The following CPLANE1 variants were observed in gnomAD, a reference collection of about 807,000 sequenced individuals.
CPLANE1 encodes the protein ciliogenesis and planar polarity effector complex subunit 1.
In CPLANE1, 263 loss-of-function variants were observed where a neutral mutation model predicts 362.5. The ratio of observed to expected loss-of-function variants is 0.73; its 90% confidence interval spans 0.66 to 0.80. The LOEUF is 0.80. CPLANE1 is among the 30% of genes least tolerant of loss of function. The pLI is 0.00. For missense variants in CPLANE1, 3,461 were observed against 3,793.4 expected (o/e 0.91, Z 2.30); for synonymous variants, 1,212 against 1,302.6 (o/e 0.93, Z 1.50).
Position 37,198,885 on chromosome 5 carries a change from T to C in CPLANE1, c.3508-19A>G, listed in dbSNP as rs754906346. 30 of 1,609,488 alleles carry C rather than the reference T, an allele frequency of 1.9e-5. No individual in the cohort carries two copies. The highest frequency in any genetic ancestry group is 3.3e-4 in the Middle Eastern group (2 of 6,060). On this transcript the variant is annotated intron_variant, in intron 19 of 52. Transcript: ENST00000651892. ...CATCTTCCTGAGGAAAATAAAACAA[T>C]CCATTTTAGTGGCTAGTAATGAGAA...
At chr5:37,246,026 T>A in intron 2 of CPLANE1, 181 bp from the exon 3 acceptor site, 1 of 436,258 alleles carries the variant, frequency 2.3e-6, no homozygotes, top group Non-Finnish European at 3.7e-6. Flanking sequence ...TGAATTGTTT[T>A]AAAATACCTC....
chr5:37,212,919 G>A (rs1229340882), intron 16 of CPLANE1, among the ~76,000 whole-genome samples: 1 of 152,194 alleles, frequency 6.6e-6, no homozygotes, highest in African/African-American at 2.4e-5. Flanking sequence ...GGCTGAGGTG[G>A]TTAAGATCAT....
chr5:37,131,477 T>C (rs1765768929), intron 46 of CPLANE1, among the ~76,000 whole-genome samples: 1 of 152,118 alleles, frequency 6.6e-6, no homozygotes, highest in Non-Finnish European at 1.5e-5. Context: ...TATAACTTGG[T>C]CTTAGAGCTC....
chr5:37,154,325 A>G lies in CPLANE1; in HGVS notation c.8120-332T>C, dbSNP rs2365910. On this transcript the variant is annotated intron_variant, in intron 41 of 52. Coordinates refer to ENST00000651892, the MANE Select transcript of CPLANE1 (RefSeq NM_001384732.1). ...CCAAAAACATCACACGTTAAAAGCT[A>G]TCCCCAATATTGGCTATTACTGACT... Among the ~76,000 whole-genome samples the G allele has an allele frequency of 0.17, 25,884 of 151,994 alleles. 2,817 individuals are homozygous for G. Among genetic ancestry groups the G allele is most frequent in the African/African-American group, 0.31 (12,834 of 41,366 alleles).
the CPLANE1 span, among the ~76,000 whole-genome samples, chr5:37,087,816 G>A: frequency 5.3e-5 from 8 of 152,300 alleles, no homozygotes; most frequent in Non-Finnish European, 8.8e-5. Context: ...AAATGGAGCC[G>A]CTAGCCCATT....
chr5:37,114,564 A>G (rs1208737804), intron 51 of CPLANE1, among the ~76,000 whole-genome samples: 1 of 152,180 alleles, frequency 6.6e-6, no homozygotes, highest in Non-Finnish European at 1.5e-5. Flanking sequence ...CTTCATTCTG[A>G]AGTCTATATT....
At chr5:37,180,332 T>A in intron 27 of CPLANE1, 149 bp from the exon 28 acceptor site, 1 of 391,768 alleles carries the variant, frequency 2.6e-6, no homozygotes, top group Non-Finnish European at 4.5e-6. Flanking sequence ...TTCAGTTTTT[T>A]AAAAGCAAAG....
chr5:37,177,794 A>T (rs1781592299), intron 29 of CPLANE1, 94 bp from the exon 30 acceptor site: 1 of 914,332 alleles, frequency 1.1e-6, no homozygotes, highest in Admixed American at 2.0e-5. Flanking sequence ...CCACTTAACC[A>T]GAGTAACAAC....
intron 31 of CPLANE1, among the ~76,000 whole-genome samples, 186 bp from the exon 32 acceptor site, chr5:37,174,133 G>A (rs758245985): frequency 3.0e-4 from 45 of 151,954 alleles, no homozygotes; most frequent in Non-Finnish European, 5.4e-4. Context: ...AGACACATTC[G>A]TCATCAGCTC....
rs1790391430 is a variant in CPLANE1, at chr5:37,205,279, A to G, written c.3289+36T>C. 6 of 1,487,616 alleles carry G rather than the reference A, an allele frequency of 4.0e-6. No individual in the cohort carries two copies. The South Asian group carries it at 8.2e-5, about 20-fold the overall frequency. The allele number at this position is 1,487,616 out of a possible 1,614,324, so 92.2% of individuals were successfully genotyped here. On this transcript the variant is annotated intron_variant, in intron 18 of 52. Coordinates refer to ENST00000651892, the MANE Select transcript of CPLANE1 (RefSeq NM_001384732.1). Reference sequence around the variant, plus strand: ...TTAAGGTATTATAAGGTTTATATTAATCTGACACGAATCAGACTATACATA... The same window carrying G: ...TTAAGGTATTATAAGGTTTATATTAGTCTGACACGAATCAGACTATACATA...
At chr5:37,179,072 C>G (rs1313754237) in intron 29 of CPLANE1, among the ~76,000 whole-genome samples, 1 of 152,168 alleles carries the variant, frequency 6.6e-6, no homozygotes, top group Non-Finnish European at 1.5e-5. Flanking sequence ...TACTTCCATA[C>G]TTTTTAAATA....
chr5:37,188,060 A>C (rs1388230315), intron 21 of CPLANE1, among the ~76,000 whole-genome samples: 4 of 152,214 alleles, frequency 2.6e-5, no homozygotes, highest in Non-Finnish European at 5.9e-5. Context: ...TTATGTTTAA[A>C]CATTTTTAAT....
chr5:37,101,737 A>G (rs1757302196), downstream of CPLANE1, among the ~76,000 whole-genome samples: 1 of 151,962 alleles, frequency 6.6e-6, no homozygotes, highest in Admixed American at 6.6e-5. Flanking sequence ...TCCTGGGCTT[A>G]TTTTGGTTGG....
chr5:37,103,146 T>C (rs1407410432), downstream of CPLANE1, among the ~76,000 whole-genome samples: 1 of 152,192 alleles, frequency 6.6e-6, no homozygotes, highest in African/African-American at 2.4e-5. Flanking sequence ...GTAATGGCCT[T>C]CTTTTTTTAT....
intron 46 of CPLANE1, 139 bp downstream of exon 46, chr5:37,138,581 C>T: frequency 1.1e-6 from 1 of 891,870 alleles, no homozygotes. Flanking sequence ...GACACATATA[C>T]ATAACAAAAC....
At chr5:37,198,204 T>A (rs1788098715) in intron 20 of CPLANE1, among the ~76,000 whole-genome samples, 1 of 152,048 alleles carries the variant, frequency 6.6e-6, no homozygotes, top group Non-Finnish European at 1.5e-5. Flanking sequence ...TCAGCTGAAG[T>A]CAATATAGAA....
the CPLANE1 span, among the ~76,000 whole-genome samples, chr5:37,079,536 C>T: frequency 6.6e-6 from 1 of 152,054 alleles, no homozygotes; most frequent in Non-Finnish European, 1.5e-5. Flanking sequence ...AAGTTGATTG[C>T]AGGCCCACAT....
At chr5:37,236,907 A>T (rs1799127126) in intron 8 of CPLANE1, among the ~76,000 whole-genome samples, 1 of 152,210 alleles carries the variant, frequency 6.6e-6, no homozygotes, top group Non-Finnish European at 1.5e-5. Context: ...AAAAGTCAAA[A>T]AACAACATGT....
chr5:37,248,836 A>T (rs890959040), intron 1 of CPLANE1, among the ~76,000 whole-genome samples: 2 of 152,246 alleles, frequency 1.3e-5, no homozygotes, highest in African/African-American at 4.8e-5. Context: ...AACTTTATGC[A>T]CTGACATACC....
Sources: allele counts gnomAD v4.1 joint callset (sites outside exome capture counted in the v4.1 genomes callset), GRCh38; gene constraint gnomAD v4.1.1; transcripts MANE v1.5; gene names NCBI Gene and HGNC (gene_info 2026-07-23, HGNC 2026-07-21).